ADGRL3: variants seen among roughly 807,000 people sequenced by gnomAD.
The protein encoded by ADGRL3 is adhesion G protein-coupled receptor L3, also known as calcium-independent alpha-latrotoxin receptor 3.
ADGRL3 carries 62 observed loss-of-function variants against 153.5 expected under a neutral mutation model. The observed-to-expected ratio is 0.40, with a 90% CI of 0.33 to 0.50. The LOEUF is 0.50. Ranked by LOEUF, ADGRL3 falls within the 20% of genes least tolerant of loss-of-function variation. ADGRL3 has a pLI of 0.47. For synonymous variants in ADGRL3, 710 were observed against 672.5 expected, an observed-to-expected ratio of 1.06 and a Z score of -0.86; for missense variants, 1,641 against 1,859.4, an observed-to-expected ratio of 0.88 and a Z score of 2.16.
chr4:62,071,692 A>G lies in ADGRL3; in HGVS notation c.*784A>G. 2.4e-6 allele frequency: 1 copy of G among 422,022 alleles called. No individual in the cohort carries two copies. The highest frequency in any genetic ancestry group is 4.6e-6 in the Non-Finnish European group (1 of 216,588). The allele number at this position is 422,022 out of a possible 1,614,324, so 26.1% of individuals were successfully genotyped here. A position where few individuals can be genotyped will look rare whatever the true frequency, so the allele number is the denominator to read the frequency against. On this transcript the variant is annotated 3_prime_UTR_variant, in exon 27 of 27. Transcript: ENST00000683033. ...TTGTGCTGGTCTTGCAAGTTTGTCT[A>G]CCAGTAAGAGAGCAAAGTTTCCTTC...
intron 2 of ADGRL3, among the ~76,000 whole-genome samples, chr4:61,494,806 C>G (rs985471933): frequency 1.3e-5 from 2 of 151,748 alleles, no homozygotes; most frequent in Non-Finnish European, 2.9e-5. Context: ...ATATTGTGTC[C>G]ATATTTAGTA....
chr4:61,350,967 T>C (rs2096035146), intron 1 of ADGRL3, among the ~76,000 whole-genome samples: 1 of 152,166 alleles, frequency 6.6e-6, no homozygotes, highest in Non-Finnish European at 1.5e-5. Context: ...CTAGAAATGA[T>C]TAAGCTTAGT....
intron 1 of ADGRL3, among the ~76,000 whole-genome samples, chr4:61,352,291 G>C (rs932343012): frequency 6.6e-6 from 1 of 152,140 alleles, no homozygotes. Flanking sequence ...AGGCTCAGAT[G>C]ATTGTTAGCA....
chr4:61,494,598 A>G (rs2098293705), intron 2 of ADGRL3, among the ~76,000 whole-genome samples: 1 of 152,202 alleles, frequency 6.6e-6, no homozygotes, highest in East Asian at 1.9e-4. Flanking sequence ...TTTTCTTGTG[A>G]GTCAGAGTTG....
At chr4:61,273,898 G>C (rs2093331145) in intron 1 of ADGRL3, among the ~76,000 whole-genome samples, 1 of 152,094 alleles carries the variant, frequency 6.6e-6, no homozygotes, top group African/African-American at 2.4e-5. Context: ...ATAGAAGAAT[G>C]GCATTTTAAG....
At chr4:61,571,055 T>A (rs572012112) in intron 4 of ADGRL3, among the ~76,000 whole-genome samples, 11 of 152,110 alleles carry the variant, frequency 7.2e-5, no homozygotes, top group African/African-American at 2.7e-4. Context: ...CAAAAGATAT[T>A]TGCAAATAGT....
intron 4 of ADGRL3, among the ~76,000 whole-genome samples, chr4:61,536,895 A>T (rs2098660002): frequency 6.6e-6 from 1 of 151,982 alleles, no homozygotes; most frequent in Non-Finnish European, 1.5e-5. Flanking sequence ...GTTAATATTG[A>T]TATGTGAGGT....
intron 5 of ADGRL3, among the ~76,000 whole-genome samples, chr4:61,596,623 C>A (rs2098990201): frequency 6.6e-6 from 1 of 152,098 alleles, no homozygotes; most frequent in Admixed American, 6.6e-5. Context: ...ATTCTCCAGG[C>A]AGGAGAATTG....
chr4:61,401,795 G>C (rs2096933005), intron 2 of ADGRL3, among the ~76,000 whole-genome samples: 1 of 152,004 alleles, frequency 6.6e-6, no homozygotes, highest in Non-Finnish European at 1.5e-5. Flanking sequence ...TAGATTCAGT[G>C]TTTCTCTAGT....
intron 5 of ADGRL3, among the ~76,000 whole-genome samples, chr4:61,609,982 A>G (rs1405226037): frequency 6.6e-6 from 1 of 152,048 alleles, no homozygotes; most frequent in Non-Finnish European, 1.5e-5. Flanking sequence ...AAATACAGAC[A>G]TTTTTGAAAG....
At chr4:61,295,735 G>A (rs986728133) in intron 1 of ADGRL3, among the ~76,000 whole-genome samples, 3 of 151,716 alleles carry the variant, frequency 2.0e-5, no homozygotes, top group African/African-American at 7.3e-5. Context: ...GAGGTGTGAG[G>A]GTCACTTGAG....
chr4:61,645,381 C>T (rs867804980), intron 5 of ADGRL3, among the ~76,000 whole-genome samples: 1 of 150,374 alleles, frequency 6.7e-6, no homozygotes, highest in Non-Finnish European at 1.5e-5. Flanking sequence ...TTCCTAGTCT[C>T]GATGGTCTTT....
At chr4:61,349,770 C>A (rs1266247191) in intron 1 of ADGRL3, among the ~76,000 whole-genome samples, 1 of 152,082 alleles carries the variant, frequency 6.6e-6, no homozygotes, top group Non-Finnish European at 1.5e-5. Flanking sequence ...ACTGCGGGGC[C>A]TATAAAGCCT....
chr4:61,555,284 G>C (rs761239292), intron 4 of ADGRL3, among the ~76,000 whole-genome samples: 9 of 152,020 alleles, frequency 5.9e-5, no homozygotes, highest in Non-Finnish European at 1.3e-4. Flanking sequence ...ATTATTAAAG[G>C]TTCATTAAGA....
At chr4:61,948,831 G>T (rs1392614458) in intron 17 of ADGRL3, among the ~76,000 whole-genome samples, 1 of 152,078 alleles carries the variant, frequency 6.6e-6, no homozygotes, top group East Asian at 1.9e-4. Flanking sequence ...CAGAAACATG[G>T]CTACATCAAT....
At position 61,996,217 on chromosome 4, in the gene ADGRL3, G is replaced by T. The variant is rs77217889; in HGVS notation, c.3237-74G>T. 3.1e-3 allele frequency: 2,745 copies of T among 882,306 alleles called. 50 individuals carry two copies. In the African/African-American group the frequency reaches 0.041, roughly 13 times the overall value. 54.7% of individuals were successfully genotyped at this position (882,306 alleles called of 1,614,324 possible). A position where few individuals can be genotyped will look rare whatever the true frequency, so the allele number is the denominator to read the frequency against. On this transcript the variant is annotated intron_variant, in intron 19 of 26. Transcript: ENST00000683033. ...TGCTTTGCAGCTCACATTCTTCTCT[G>T]TCACAGGTTCACTCTTGATGTATGT... is the stretch of plus-strand genomic sequence containing the variant.
intron 2 of ADGRL3, among the ~76,000 whole-genome samples, chr4:61,403,877 C>A (rs1273899205): frequency 3.3e-5 from 5 of 152,002 alleles, no homozygotes; most frequent in African/African-American, 1.2e-4. Flanking sequence ...AAAATCCCCA[C>A]ACATTTGGTG....
chr4:61,609,001 CTT>C (rs550504778), intron 5 of ADGRL3, among the ~76,000 whole-genome samples: 1 of 151,822 alleles, frequency 6.6e-6, no homozygotes, highest in East Asian at 1.9e-4. Context: ...TAAAAATTGT[CTT>C]TTTTTTCTTT....
At chr4:61,246,737 A>G (rs558177122) in intron 1 of ADGRL3, among the ~76,000 whole-genome samples, 1 of 151,776 alleles carries the variant, frequency 6.6e-6, no homozygotes, top group South Asian at 2.1e-4. Flanking sequence ...AGGTGTGTAT[A>G]TATATTTATA....
Sources: allele counts gnomAD v4.1 joint callset (sites outside exome capture counted in the v4.1 genomes callset), GRCh38; gene constraint gnomAD v4.1.1; transcripts MANE v1.5; gene names NCBI Gene and HGNC (gene_info 2026-07-23, HGNC 2026-07-21).